Variants in CCDC93 observed in about 807,000 individuals in gnomAD.
CCDC93 encodes the protein CCC complex scaffolding subunit CCDC93.
In CCDC93, 61 loss-of-function variants were observed where a neutral mutation model predicts 108.2. That is an observed-to-expected ratio of 0.56 (90% CI 0.46 to 0.70). The LOEUF (loss-of-function observed/expected upper bound fraction) is 0.70. CCDC93 is among the 30% of genes least tolerant of loss of function. The pLI is 0.00. For synonymous variants in CCDC93, 276 were observed against 260.4 expected (o/e 1.06, Z -0.58); for missense variants, 685 against 764.2 (o/e 0.90, Z 1.22).
At chr2:117,936,997 T>C in intron 20 of CCDC93, 1 of 494,390 alleles carries the variant, frequency 2.0e-6, no homozygotes, top group Non-Finnish European at 3.7e-6. Flanking sequence ...AGGGAGAAGG[T>C]GCTTTGAAGG....
intron 1 of CCDC93, among the ~76,000 whole-genome samples, chr2:118,012,014 T>C (rs947122639): frequency 2.0e-5 from 3 of 152,240 alleles, no homozygotes; most frequent in African/African-American, 7.2e-5. Context: ...CAAACAACAA[T>C]GAGCTCTTAC....
intron 11 of CCDC93, among the ~76,000 whole-genome samples, chr2:117,973,604 A>T (rs1679836462): frequency 6.6e-6 from 1 of 152,158 alleles, no homozygotes; most frequent in African/African-American, 2.4e-5. Flanking sequence ...GGCCTGATAG[A>T]AAAGAAAAAA....
intron 23 of CCDC93, among the ~76,000 whole-genome samples, chr2:117,921,030 A>ATTC (rs397693570): frequency 6.7e-6 from 1 of 150,034 alleles, no homozygotes; most frequent in Admixed American, 6.6e-5. Context: ...AATATAAATT[A>ATTC]GCCAGGCGTG....
rs1266295183 is a variant in CCDC93 at position 117,996,340 on chromosome 2, T to C, written c.386A>G (p.Glu129Gly). 1 of 1,613,622 alleles carries C rather than the reference T, an allele frequency of 6.2e-7. No homozygotes were observed. The highest frequency in any genetic ancestry group is 1.1e-5 in the South Asian group (1 of 91,062). ...VVQWLVKRAIETKEEMGDYIR... is the reference protein window; with the variant it reads ...VVQWLVKRAIGTKEEMGDYIR... ...ATAGTCACCCATCTCTTCTTTTGTTTCTATAGCTCGTTTCACCAGCCACTG... is the reference window on the plus strand; with the variant it reads ...ATAGTCACCCATCTCTTCTTTTGTTCCTATAGCTCGTTTCACCAGCCACTG... Residue 129 changes from glutamate to glycine, a missense_variant, in exon 5 of 24, where the codon GAA becomes GGA. Transcript: ENST00000376300.
intron 23 of CCDC93, among the ~76,000 whole-genome samples, chr2:117,924,077 T>C (rs1214627493): frequency 6.6e-6 from 1 of 152,108 alleles, no homozygotes; most frequent in Non-Finnish European, 1.5e-5. Flanking sequence ...TCCTGTCTGT[T>C]AGAAGGAAAA....
chr2:118,001,585 G>C (rs1558804542), intron 3 of CCDC93, among the ~76,000 whole-genome samples: 1 of 91,228 alleles, frequency 1.1e-5, no homozygotes, highest in Admixed American at 9.5e-5. Flanking sequence ...AAGGGACACC[G>C]ACCTTTCTCT....
rs761987086 is a variant in CCDC93, at chr2:117,995,498, T to A, written c.467A>T (p.Asp156Val). The stretch of plus-strand genomic sequence containing the variant: ...CTTTTCTTTTCTCTTTATGAAGTCA[T>A]CATCCTACAAGACAAAACAGAGCGA... ...FQKTYSLPED[D>V]DFIKRKEKAI... The change falls in exon 6 of 24, where the codon GAT becomes GTT. Residue 156 changes from aspartate (D) to valine (V), a missense_variant. By Grantham distance (152) the Asp-to-Val change is radical. Coordinates refer to ENST00000376300, the MANE Select transcript of CCDC93 (RefSeq NM_019044.5). 6.2e-7 allele frequency: 1 copy of A among 1,612,928 alleles called. No individual in the cohort carries two copies. Among genetic ancestry groups the A allele is most frequent in the Admixed American group, 1.7e-5 (1 of 60,020 alleles).
chr2:117,945,649 C>A, intron 16 of CCDC93, 67 bp from the exon 17 acceptor site: 1 of 1,417,988 alleles, frequency 7.1e-7, no homozygotes, highest in African/African-American at 1.4e-5. Context: ...AGCCAAGGAT[C>A]TAGATGTAGG....
chr2:117,923,522 C>T (rs570563486), intron 23 of CCDC93, among the ~76,000 whole-genome samples: 57 of 152,312 alleles, frequency 3.7e-4, no homozygotes, highest in African/African-American at 1.3e-3. Flanking sequence ...TCATTGCTAC[C>T]ACAGCAGTCT....
chr2:117,946,139 T>C (rs1277112414), intron 16 of CCDC93, among the ~76,000 whole-genome samples: 1 of 152,076 alleles, frequency 6.6e-6, no homozygotes, highest in Non-Finnish European at 1.5e-5. Flanking sequence ...CATGGCAGTG[T>C]CCTGTACAGC....
chr2:117,930,901 C>T (rs180920987), intron 23 of CCDC93, 136 bp downstream of exon 23: 8 of 595,174 alleles, frequency 1.3e-5, no homozygotes, highest in South Asian at 1.2e-4. Flanking sequence ...CACTTCACTG[C>T]CAGATCACAC....
At chr2:117,977,900 G>A in intron 8 of CCDC93, 94 bp downstream of exon 8, 1 of 1,210,800 alleles carries the variant, frequency 8.3e-7, no homozygotes, top group Admixed American at 1.8e-5. Flanking sequence ...GGTTTCCCAA[G>A]AAGCTGCTGC....
chr2:117,938,911 T>G (rs763407259), intron 20 of CCDC93, 118 bp downstream of exon 20: 2 of 594,572 alleles, frequency 3.4e-6, no homozygotes, highest in Non-Finnish European at 6.1e-6. Context: ...GCATATAAAA[T>G]AGGCACTCTT....
At chr2:117,973,836 G>T in intron 11 of CCDC93, 72 bp downstream of exon 11, 2 of 1,152,468 alleles carry the variant, frequency 1.7e-6, no homozygotes, top group South Asian at 1.3e-5. Flanking sequence ...TGGGGTAGTG[G>T]GGTAAGGAAG....
intron 2 of CCDC93, among the ~76,000 whole-genome samples, chr2:118,008,316 G>T (rs984154941): frequency 6.6e-6 from 1 of 152,114 alleles, no homozygotes; most frequent in Admixed American, 6.5e-5. Flanking sequence ...TTGCTTCTTT[G>T]CATTTCCTAA....
At chr2:117,940,761 C>A (rs889360103) in intron 19 of CCDC93, among the ~76,000 whole-genome samples, 3 of 152,156 alleles carry the variant, frequency 2.0e-5, no homozygotes, top group African/African-American at 4.8e-5. Flanking sequence ...CTGAGGGGGT[C>A]ATGGTCCTGG....
chr2:118,000,622 G>T, intron 4 of CCDC93, 199 bp downstream of exon 4: 1 of 512,078 alleles, frequency 2.0e-6, no homozygotes, highest in Non-Finnish European at 3.5e-6. Context: ...TCAGGTGACA[G>T]CATGAAACTA....
Position 117,958,490 on chromosome 2 carries a change from A to G in CCDC93, c.889-9T>C, listed in dbSNP as rs755416734. ...GCTGATAGCTCAGACTGCTGTGGAA[A>G]AAAGGGATGGCAAATCCAAAGGATT... On this transcript the variant is annotated splice_polypyrimidine_tract_variant and intron_variant, in intron 11 of 23. Coordinates refer to ENST00000376300, the MANE Select transcript of CCDC93 (RefSeq NM_019044.5). 1.3e-6 allele frequency: 2 copies of G among 1,487,476 alleles called. No individual in the cohort carries two copies. The highest frequency in any genetic ancestry group is 2.3e-5 in the South Asian group (2 of 88,492). 92.1% of individuals were successfully genotyped at this position (1,487,476 alleles called of 1,614,324 possible).
At chr2:117,944,763 C>T (rs968037689) in intron 17 of CCDC93, 1 of 471,092 alleles carries the variant, frequency 2.1e-6, no homozygotes, top group Non-Finnish European at 4.4e-6. Flanking sequence ...CAAAATCCAA[C>T]AGACTTCACT....
Sources: allele counts gnomAD v4.1 joint callset (sites outside exome capture counted in the v4.1 genomes callset), GRCh38; gene constraint gnomAD v4.1.1; transcripts MANE v1.5; gene names NCBI Gene and HGNC (gene_info 2026-07-23, HGNC 2026-07-21).